MIAT: variants seen among roughly 807,000 people sequenced by gnomAD.
MIAT encodes myocardial infarction associated transcript.
chr22:26,649,926 G>A (rs1205676341), intron 2 of MIAT, among the ~76,000 whole-genome samples: 1 of 152,122 alleles, frequency 6.6e-6, no homozygotes, highest in Admixed American at 6.5e-5. Flanking sequence ...AAAAAAGTGA[G>A]TGGAGGAGTT....
At chr22:26,659,109 G>C (rs925934251) in intron 2 of MIAT, among the ~76,000 whole-genome samples, 2 of 152,120 alleles carry the variant, frequency 1.3e-5, no homozygotes, top group African/African-American at 4.8e-5. Context: ...GCAGGTTTGG[G>C]GTGGGGCTGG....
At chr22:26,670,511 G>A (rs1036673839), downstream of MIAT, 11 of 390,156 alleles carry the variant, frequency 2.8e-5, no homozygotes, top group Non-Finnish European at 4.5e-5. Flanking sequence ...TACCAAACAG[G>A]GCCTTGAAGG....
chr22:26,664,468 G>C (rs76636360), intron 3 of MIAT, among the ~76,000 whole-genome samples: 5,341 of 152,106 alleles, frequency 0.035, 322 homozygotes, highest in African/African-American at 0.12. Context: ...GGAACAGTTC[G>C]GTTACCCCAG....
chr22:26,647,786 G>A (rs767851148), intron 2 of MIAT, among the ~76,000 whole-genome samples: 10 of 152,048 alleles, frequency 6.6e-5, no homozygotes, highest in South Asian at 2.1e-4. Flanking sequence ...AGTAGGGGAT[G>A]TTGGGGGCCA....
chr22:26,673,263 C>T, downstream of MIAT: 1 of 398,810 alleles, frequency 2.5e-6, no homozygotes, highest in Non-Finnish European at 4.4e-6. Context: ...CCAGAGCCCG[C>T]CAGCCGCTAA....
chr22:26,676,417 T>C (rs1217565899), exon 5 of MIAT: 2 of 398,534 alleles, frequency 5.0e-6, no homozygotes, highest in Admixed American at 4.4e-5. Context: ...TTTTCATCCA[T>C]GAATGTAGCT....
intron 2 of MIAT, among the ~76,000 whole-genome samples, chr22:26,661,905 TCTATATAGATCCA>T: frequency 7.2e-6 from 1 of 138,954 alleles, no homozygotes; most frequent in South Asian, 2.3e-4. Flanking sequence ...TATATATGGA[TCTATATAGATCCA>T]TATATATATA....
chr22:26,646,520 G>A (rs1177336377), exon 1 of MIAT: 15 of 399,004 alleles, frequency 3.8e-5, no homozygotes, highest in South Asian at 2.5e-4. Context: ...AGAAGGTGTC[G>A]TGGGACAGGG....
downstream of MIAT, chr22:26,673,586 A>C (rs1025152711): frequency 2.5e-6 from 1 of 398,644 alleles, no homozygotes; most frequent in Admixed American, 4.4e-5. Flanking sequence ...AACAGGTCTA[A>C]CATTCCTCGT....
exon 6 of MIAT, chr22:26,668,901 G>A (rs1035428875): frequency 2.5e-6 from 1 of 398,638 alleles, no homozygotes. Context: ...TGAAAAGAGA[G>A]GGTCTTTAAG....
intron 2 of MIAT, among the ~76,000 whole-genome samples, chr22:26,659,240 G>A (rs543221802): frequency 8.8e-4 from 134 of 152,214 alleles, no homozygotes; most frequent in Non-Finnish European, 1.4e-3. Context: ...CAGCAGCCTG[G>A]GCAAACCATT....
downstream of MIAT, chr22:26,671,708 G>A (rs1931053628): frequency 2.5e-6 from 1 of 398,472 alleles, no homozygotes; most frequent in Admixed American, 4.4e-5. Flanking sequence ...GAGTGAGTTT[G>A]AGTAAGTCAC....
At chr22:26,663,997 G>C (rs1459255266) in intron 3 of MIAT, among the ~76,000 whole-genome samples, 1 of 132,312 alleles carries the variant, frequency 7.6e-6, no homozygotes, top group Non-Finnish European at 1.6e-5. Flanking sequence ...GGAAGCTTCT[G>C]TGTTCAGCTT....
At chr22:26,663,288 C>G in intron 2 of MIAT, 3 of 398,664 alleles carry the variant, frequency 7.5e-6, no homozygotes, top group Non-Finnish European at 8.8e-6. Context: ...TATTCTCTCA[C>G]TGCTGTCTCT....
chr22:26,655,457 A>C (rs998718909), intron 2 of MIAT, among the ~76,000 whole-genome samples: 1 of 152,222 alleles, frequency 6.6e-6, no homozygotes, highest in African/African-American at 2.4e-5. Flanking sequence ...ATATTCACAG[A>C]AATGTGACAA....
chr22:26,654,837 G>A (rs576571517), intron 2 of MIAT, among the ~76,000 whole-genome samples: 4 of 152,014 alleles, frequency 2.6e-5, no homozygotes, highest in African/African-American at 9.7e-5. Context: ...TCAGCCTCCC[G>A]AGTAGCTGGG....
chr22:26,659,247 C>T (rs1362624408), intron 2 of MIAT, among the ~76,000 whole-genome samples: 2 of 152,148 alleles, frequency 1.3e-5, no homozygotes, highest in Non-Finnish European at 2.9e-5. Context: ...CTGGGCAAAC[C>T]ATTTCCGGAC....
chr22:26,666,927 G>A, exon 4 of MIAT: 1 of 155,310 alleles, frequency 6.4e-6, no homozygotes. Context: ...GTGTCGGCTG[G>A]ATGCTGCCAG....
At chr22:26,659,840 CTTTT>C (rs1189391284) in intron 2 of MIAT, among the ~76,000 whole-genome samples, 43 of 94,970 alleles carry the variant, frequency 4.5e-4, no homozygotes, top group African/African-American at 1.7e-3. Context: ...TTCTTTCTTT[CTTTT>C]TTTTTTTTTT....
Sources: allele counts gnomAD v4.1 joint callset (sites outside exome capture counted in the v4.1 genomes callset), GRCh38; gene constraint gnomAD v4.1.1; transcripts MANE v1.5; gene names NCBI Gene and HGNC (gene_info 2026-07-23, HGNC 2026-07-21).